The following TFE3 variants were observed in gnomAD, a reference collection of about 807,000 sequenced individuals.
TFE3 encodes transcription factor binding to IGHM enhancer 3, also known as transcription factor E3.
A neutral mutation model predicts 35.0 loss-of-function variants in TFE3; 5 were observed. The observed-to-expected ratio is 0.14, with a 90% CI of 0.07 to 0.30. The LOEUF is 0.30. TFE3 is among the 10% of genes least tolerant of loss of function. The pLI is 1.00. For missense variants in TFE3, 374 were observed against 496.6 expected, an observed-to-expected ratio of 0.75 and a Z score of 2.35; for synonymous variants, 211 against 215.6, an observed-to-expected ratio of 0.98 and a Z score of 0.18.
chrX:49,031,973 C>T (rs894630181), intron 8 of TFE3: 1 of 116,171 alleles, frequency 8.6e-6, no homozygotes, highest in African/African-American at 3.2e-5. Context: ...GTTTCCTTGT[C>T]AGTTGGGGCC....
At position 49,029,995 on chromosome X, in the gene TFE3, C is replaced by T. The variant is rs782027549; in HGVS notation, c.*163G>A. On this transcript the variant is annotated 3_prime_UTR_variant, in exon 10 of 10. Transcript: ENST00000315869. ...AGGTGCAGGGCCTCATCTGACTCCT[C>T]CTCCTTGCCTGATTACAGGGGTGGG... 11 of 573,529 alleles carry T rather than the reference C, an allele frequency of 1.9e-5. No homozygotes were observed. The highest frequency in any genetic ancestry group is 5.4e-5 in the South Asian group (2 of 36,737). The allele number at this position is 573,529 out of a possible 1,213,427, so 47.3% of individuals were successfully genotyped here.
At chrX:49,041,093 C>T (rs1557075672) in intron 1 of TFE3, among the ~76,000 whole-genome samples, 2 of 109,880 alleles carry the variant, frequency 1.8e-5, no homozygotes, top group South Asian at 3.9e-4. Flanking sequence ...CCACCACGTC[C>T]GGCTAATTTT....
chrX:49,043,004 C>A, intron 1 of TFE3, 107 bp downstream of exon 1: 1 of 657,120 alleles, frequency 1.5e-6, no homozygotes, highest in South Asian at 3.5e-5. Flanking sequence ...CGACGTCCTC[C>A]AAGGCTAGGC....
rs373846907 is a variant in TFE3 at position 49,030,083 on chromosome X, G to A, written c.*75C>T. On this transcript the variant is annotated 3_prime_UTR_variant, in exon 10 of 10. Coordinates refer to ENST00000315869, the MANE Select transcript of TFE3 (RefSeq NM_006521.6). ...CAGGGCAGTCTCATGGGAGGGTGGG[G>A]GAAAAGGCGGGGCCTCATCCTGACT... 2.8e-6 allele frequency: 3 copies of A among 1,073,302 alleles called. No individual in the cohort carries two copies. Among genetic ancestry groups the A allele is most frequent in the African/African-American group, 3.7e-5 (2 of 53,407 alleles). The allele number at this position is 1,073,302 out of a possible 1,213,427, so 88.5% of individuals were successfully genotyped here.
At chrX:49,042,827 C>G (rs1035284063) in intron 1 of TFE3, among the ~76,000 whole-genome samples, 3 of 112,101 alleles carry the variant, frequency 2.7e-5, no homozygotes, top group African/African-American at 9.7e-5. Flanking sequence ...TCAGCTATCT[C>G]AGACCAGTTT....
rs371723359 is a variant in TFE3, at chrX:49,029,912, A to C, written c.*246T>G. The C allele has an allele frequency of 1.2e-5, 6 of 509,434 alleles. No homozygotes were observed. The highest frequency in any genetic ancestry group is 2.1e-5 in the Non-Finnish European group (6 of 280,111). 42.0% of individuals were successfully genotyped at this position (509,434 alleles called of 1,213,427 possible). A position where few individuals can be genotyped will look rare whatever the true frequency, so the allele number is the denominator to read the frequency against. On this transcript the variant is annotated 3_prime_UTR_variant, in exon 10 of 10. Coordinates refer to ENST00000315869, the MANE Select transcript of TFE3 (RefSeq NM_006521.6). ...TCCCCAGGGGGCAGGCCCTGATCTC[A>C]TGTCCTTCTCCAGCCTTCTCCTTCT...
At chrX:49,040,651 G>T in intron 1 of TFE3, 83 bp from the exon 2 acceptor site, 1 of 645,197 alleles carries the variant, frequency 1.5e-6, no homozygotes. Context: ...GAAAGAGAGA[G>T]AGAGGGGGGG....
intron 5 of TFE3, among the ~76,000 whole-genome samples, chrX:49,035,986 A>G (rs1557074672): frequency 9.2e-6 from 1 of 109,087 alleles, no homozygotes; most frequent in Non-Finnish European, 1.9e-5. Context: ...CCTGGGCAAC[A>G]CAGTGAGACC....
At chrX:49,036,342 C>A (rs781939637) in intron 5 of TFE3, among the ~76,000 whole-genome samples, 6 of 107,015 alleles carry the variant, frequency 5.6e-5, no homozygotes, top group Non-Finnish European at 1.2e-4. Flanking sequence ...TGGCGGGCAC[C>A]TGTAATCTCG....
In TFE3 at chrX:49,038,074, C is replaced by A; in HGVS notation, c.821G>T (p.Ser274Ile). The change falls in exon 5 of 10, where the codon AGT (serine) becomes ATT (isoleucine). Residue 274 changes from serine to isoleucine, a missense_variant. Transcript: ENST00000315869. ...ATAGCTGAGCATTTCATCATTGTAA[C>A]TGGACTCCAGGCTGATGATCTCATC... Reference protein sequence around the residue: ...VIDEIISLESSYNDEMLSYLP... With the variant: ...VIDEIISLESIYNDEMLSYLP... The A allele has an allele frequency of 8.3e-7, 1 of 1,208,231 alleles. No homozygotes were observed. Among genetic ancestry groups the A allele is most frequent in the Non-Finnish European group, 1.1e-6 (1 of 893,533 alleles).
In TFE3 at chrX:49,030,425, A is replaced by C. The variant is rs2064692884; in HGVS notation, c.1461T>G (p.Ala487=). ...GCGGTGCAGGGGGCTGCTGATGGGG[A>C]GCATTCTGGGCAGGTCCCCCCCCTA... is the stretch of plus-strand genomic sequence containing the variant. ...FHVGGGPAQN[A]PHQQPPAPPS... is the part of the protein sequence containing the mutation. The change falls in exon 10 of 10, where the codon GCT becomes GCG. Residue 487 remains alanine (A), a synonymous_variant. Transcript: ENST00000315869. The C allele has an allele frequency of 8.3e-6, 10 of 1,210,846 alleles. No individual in the cohort carries two copies. In the East Asian group the frequency reaches 3.0e-4, roughly 36 times the overall value.
chrX:49,039,007 T>C, intron 3 of TFE3, 100 bp downstream of exon 3: 1 of 891,680 alleles, frequency 1.1e-6, no homozygotes, highest in Non-Finnish European at 1.5e-6. Context: ...CCCTAAGACC[T>C]TGCCCCCAAA....
chrX:49,040,040 A>AC (rs1346180367), intron 2 of TFE3, among the ~76,000 whole-genome samples: 1 of 110,224 alleles, frequency 9.1e-6, no homozygotes, highest in East Asian at 2.9e-4. Context: ...GAAAGAAGAG[A>AC]CCAGCAGGGG....
chrX:49,039,379 T>G lies in TFE3; in HGVS notation c.262A>C (p.Thr88Pro). Residue 88 changes from threonine (T) to proline (P), a missense_variant, in exon 3 of 10, where the codon ACC becomes CCC. Coordinates refer to ENST00000315869, the MANE Select transcript of TFE3 (RefSeq NM_006521.6). ...GACGATGCAGAGAGTGTAGCTGGGG[T>G]GGCTGGTGTGGCCTGCAGTGATATT... ...LPISLQATPATPATLSASSSA... is the reference protein window; with the variant it reads ...LPISLQATPAPPATLSASSSA... The G allele has an allele frequency of 8.3e-7, 1 of 1,199,528 alleles. No homozygotes were observed. Among genetic ancestry groups the G allele is most frequent in the Non-Finnish European group, 1.1e-6 (1 of 889,458 alleles).
rs1557073260 is a variant in TFE3, at chrX:49,029,624, T to A, written c.*534A>T. On this transcript the variant is annotated 3_prime_UTR_variant, in exon 10 of 10. Transcript: ENST00000315869. The stretch of plus-strand genomic sequence containing the variant: ...CTCATCCTCACTTCTGTTCCTTGCC[T>A]GGGCAGAGCAGGGCAGGGTTCATGG... 2.5e-6 allele frequency: 1 copy of A among 393,188 alleles called. No individual in the cohort carries two copies. The highest frequency in any genetic ancestry group is 4.7e-5 in the East Asian group (1 of 21,319). 32.4% of individuals were successfully genotyped at this position (393,188 alleles called of 1,213,427 possible).
intron 8 of TFE3, 31 bp downstream of exon 8, chrX:49,033,434 C>T (rs1409312937): frequency 2.8e-5 from 34 of 1,196,330 alleles, no homozygotes; most frequent in Admixed American, 4.4e-5. Flanking sequence ...CCCCACCTCC[C>T]GCTGGCCTGA....
intron 5 of TFE3, among the ~76,000 whole-genome samples, chrX:49,034,803 T>C (rs2064718738): frequency 8.9e-6 from 1 of 112,318 alleles, no homozygotes; most frequent in Non-Finnish European, 1.9e-5. Context: ...AGTTGTACCA[T>C]CTTCCACTCT....
At chrX:49,030,850 C>T (rs1452234121) in intron 9 of TFE3, among the ~76,000 whole-genome samples, 4 of 110,856 alleles carry the variant, frequency 3.6e-5, no homozygotes, top group South Asian at 3.8e-4. Context: ...TTTGGGAGGC[C>T]GAGGCAGGTG....
rs373534124 is a variant in TFE3, at chrX:49,038,082, C to T, written c.813G>A (p.Leu271=). 58 of 1,207,256 alleles carry T rather than the reference C, an allele frequency of 4.8e-5. No homozygotes were observed. The highest frequency in any genetic ancestry group is 6.3e-5 in the Non-Finnish European group (56 of 893,502). Residue 271 remains leucine (L), a synonymous_variant, in exon 5 of 10, where the codon CTG becomes CTA. Coordinates refer to ENST00000315869, the MANE Select transcript of TFE3 (RefSeq NM_006521.6). ...GCATTTCATCATTGTAACTGGACTC[C>T]AGGCTGATGATCTCATCAATGACAT... is the stretch of plus-strand genomic sequence containing the variant. ...IDDVIDEIIS[L]ESSYNDEMLS... is the part of the protein sequence containing the mutation.
Sources: gnomAD v4.1 joint callset for allele counts (sites outside exome capture counted in the v4.1 genomes callset) on GRCh38, gnomAD v4.1.1 for gene constraint, MANE v1.5 for transcripts, NCBI Gene and HGNC (gene_info 2026-07-23, HGNC 2026-07-21) for gene names.